PCDH11X: variants seen among roughly 807,000 people sequenced by gnomAD.
The protein encoded by PCDH11X is protocadherin 11 X-linked.
A neutral mutation model predicts 53.3 loss-of-function variants in PCDH11X; 18 were observed. The observed-to-expected ratio is 0.34, with a 90% confidence interval of 0.23 to 0.50. The LOEUF (loss-of-function observed/expected upper bound fraction) is 0.50, where lower values mean the gene tolerates loss of function less well. PCDH11X is among the 20% of genes least tolerant of loss of function. The probability of loss-of-function intolerance (pLI) is 0.98; values close to 1 mark genes in which losing one functional copy is unlikely to be tolerated. For synonymous variants in PCDH11X, 279 were observed against 393.3 expected (o/e 0.71, Z 3.44); for missense variants, 570 against 1,032.4 (o/e 0.55, Z 6.14).
At chrX:92,316,941 C>T (rs1317737367) in intron 8 of PCDH11X, among the ~76,000 whole-genome samples, 1 of 110,376 alleles carries the variant, frequency 9.1e-6, no homozygotes, top group Non-Finnish European at 1.9e-5. Context: ...CATTGAAAAG[C>T]TGAATTAAGG....
Position 92,174,219 on chromosome X carries a change from A to T in PCDH11X, c.3034-27156A>T, listed in dbSNP as rs201521675. Among the ~76,000 whole-genome samples, 96 of 107,474 alleles carry T rather than the reference A, an allele frequency of 8.9e-4. No homozygotes were observed. In the South Asian group the frequency reaches 0.011, roughly 13 times the overall value. The allele number at this position is 107,474 out of a possible 115,157, so 93.3% of individuals were successfully genotyped here. Reference sequence around the variant, plus strand: ...TCTAGACAGTATGATTAAAAAAAATAATACAAAAAGAAAAAAAAACCTCAT... The same window carrying T: ...TCTAGACAGTATGATTAAAAAAAATTATACAAAAAGAAAAAAAAACCTCAT... On this transcript the variant is annotated intron_variant, in intron 6 of 10. Transcript: ENST00000682573.
chrX:91,846,948 C>T (rs944262647), intron 5 of PCDH11X, among the ~76,000 whole-genome samples: 1 of 111,832 alleles, frequency 8.9e-6, no homozygotes, highest in African/African-American at 3.3e-5. Flanking sequence ...ATTTGCTTTC[C>T]TAGTTGCAGT....
At chrX:92,596,433 T>C (rs1925608130) in intron 10 of PCDH11X, among the ~76,000 whole-genome samples, 1 of 106,540 alleles carries the variant, frequency 9.4e-6, no homozygotes, top group Non-Finnish European at 1.9e-5. Context: ...TATGAGGAAC[T>C]ATATGCCAAA....
chrX:92,553,598 T>C (rs186263714), intron 10 of PCDH11X, among the ~76,000 whole-genome samples: 1,858 of 109,795 alleles, frequency 0.017, 39 homozygotes, highest in African/African-American at 0.057. Context: ...TTTTTTCTTA[T>C]ACTAATTTTG....
chrX:92,590,620 C>T (rs1477330046), intron 10 of PCDH11X, among the ~76,000 whole-genome samples: 1 of 111,551 alleles, frequency 9.0e-6, no homozygotes, highest in Non-Finnish European at 1.9e-5. Context: ...CACTGTAGCC[C>T]TGTCACAGGG....
At chrX:92,214,567 G>A (rs981340437) in intron 7 of PCDH11X, among the ~76,000 whole-genome samples, 1 of 111,936 alleles carries the variant, frequency 8.9e-6, no homozygotes, top group Non-Finnish European at 1.9e-5. Flanking sequence ...GCGTATGGGA[G>A]ATGTTCAATA....
intron 10 of PCDH11X, among the ~76,000 whole-genome samples, chrX:92,551,249 T>C (rs1284469491): frequency 8.9e-6 from 1 of 111,894 alleles, no homozygotes; most frequent in Non-Finnish European, 1.9e-5. Flanking sequence ...CTAGCATTTG[T>C]TATTGCCTGT....
chrX:92,217,536 C>A (rs911797905), intron 7 of PCDH11X, among the ~76,000 whole-genome samples: 5 of 100,407 alleles, frequency 5.0e-5, no homozygotes, highest in African/African-American at 1.8e-4. Flanking sequence ...AATACAGGAG[C>A]ACCCAGTTTC....
intron 8 of PCDH11X, among the ~76,000 whole-genome samples, chrX:92,270,766 G>A (rs372709907): frequency 8.9e-6 from 1 of 112,160 alleles, no homozygotes; most frequent in Middle Eastern, 4.6e-3. Flanking sequence ...AAGATAAGGT[G>A]AACATGGAGT....
At chrX:91,954,160 G>A (rs1348453027) in intron 6 of PCDH11X, among the ~76,000 whole-genome samples, 2 of 108,877 alleles carry the variant, frequency 1.8e-5, no homozygotes, top group Non-Finnish European at 3.8e-5. Flanking sequence ...TTTCCCCCAC[G>A]TGTCCATAAT....
intron 8 of PCDH11X, among the ~76,000 whole-genome samples, chrX:92,287,300 A>G (rs1387676392): frequency 9.0e-6 from 1 of 111,204 alleles, no homozygotes; most frequent in Non-Finnish European, 1.9e-5. Flanking sequence ...TTAAGCCCAC[A>G]TATATTAGGT....
Position 91,985,882 on chromosome X carries a change from T to A in PCDH11X, c.3033+106609T>A, listed in dbSNP as rs1389373300. Among the ~76,000 whole-genome samples, 27 of 104,358 alleles carry A rather than the reference T, an allele frequency of 2.6e-4. No individual in the cohort carries two copies. The Admixed American group carries it at 2.8e-3, about 11-fold the overall frequency. 90.6% of individuals were successfully genotyped at this position (104,358 alleles called of 115,157 possible). ...CTAAGTTAAATGCTAGTATGGAAAA[T>A]TGTCTTTTTAAAATGCATCTTTTTT... On this transcript the variant is annotated intron_variant, in intron 6 of 10. Coordinates refer to ENST00000682573, the MANE Select transcript of PCDH11X (RefSeq NM_032968.5).
At chrX:92,232,862 C>G (rs1416173467) in intron 7 of PCDH11X, among the ~76,000 whole-genome samples, 1 of 111,373 alleles carries the variant, frequency 9.0e-6, no homozygotes, top group Non-Finnish European at 1.9e-5. Context: ...ACTATAGGCG[C>G]CCGCCACCAC....
chrX:92,005,150 G>A (rs1013151023), intron 6 of PCDH11X, among the ~76,000 whole-genome samples: 1 of 110,764 alleles, frequency 9.0e-6, no homozygotes, highest in African/African-American at 3.3e-5. Flanking sequence ...CATGCAGCTG[G>A]TTTATGTCTT....
intron 10 of PCDH11X, among the ~76,000 whole-genome samples, chrX:92,528,815 T>C (rs1201939628): frequency 3.6e-5 from 4 of 111,578 alleles, no homozygotes; most frequent in South Asian, 3.8e-4. Flanking sequence ...TACAAATGCA[T>C]ACTGTAACTC....
chrX:92,023,039 G>C (rs1430278634), intron 6 of PCDH11X, among the ~76,000 whole-genome samples: 1 of 110,563 alleles, frequency 9.0e-6, no homozygotes, highest in Non-Finnish European at 1.9e-5. Context: ...GTAATTTATA[G>C]CACTAAATGC....
chrX:92,196,867 T>C (rs1335975311), intron 6 of PCDH11X, among the ~76,000 whole-genome samples: 2 of 109,870 alleles, frequency 1.8e-5, no homozygotes, highest in Non-Finnish European at 3.8e-5. Flanking sequence ...GGAGAGAGAT[T>C]GAGAGAGAGA....
chrX:92,415,945 G>A (rs2071800322), intron 9 of PCDH11X, among the ~76,000 whole-genome samples: 1 of 111,511 alleles, frequency 9.0e-6, no homozygotes, highest in African/African-American at 3.2e-5. Flanking sequence ...AATATTCATA[G>A]TTATTTTTCA....
At chrX:92,596,779 T>A (rs1329586997) in intron 10 of PCDH11X, among the ~76,000 whole-genome samples, 1 of 110,222 alleles carries the variant, frequency 9.1e-6, no homozygotes, top group Non-Finnish European at 1.9e-5. Context: ...CAGGCCCCAA[T>A]GTCTCTGATG....
Sources: gnomAD v4.1 joint callset for allele counts (sites outside exome capture counted in the v4.1 genomes callset) on GRCh38, gnomAD v4.1.1 for gene constraint, MANE v1.5 for transcripts, NCBI Gene and HGNC (gene_info 2026-07-23, HGNC 2026-07-21) for gene names.